Variants in ANXA8 observed in about 807,000 individuals in gnomAD.
The protein encoded by ANXA8 is VAC-beta.
A neutral mutation model predicts 26.8 loss-of-function variants in ANXA8; 9 were observed. The ratio of observed to expected loss-of-function variants is 0.34; its 90% CI spans 0.20 to 0.59. The LOEUF (loss-of-function observed/expected upper bound fraction) is 0.59, where lower values mean the gene tolerates loss of function less well. Among genes scored for constraint, ANXA8 ranks in the 20% least tolerant of loss-of-function variants. The pLI is 0.84. For synonymous variants in ANXA8, 39 were observed against 94.8 expected, an observed-to-expected ratio of 0.41 and a Z score of 3.42; for missense variants, 83 against 238.5, an observed-to-expected ratio of 0.35 and a Z score of 4.29.
chr10:47,497,304 A>T, the ANXA8 span, among the ~76,000 whole-genome samples: 3 of 97,516 alleles, frequency 3.1e-5, no homozygotes, highest in Non-Finnish European at 5.7e-5. Flanking sequence ...GGATAACAAG[A>T]GCAAAAGTCC....
the ANXA8 span, among the ~76,000 whole-genome samples, chr10:47,666,446 A>G: frequency 3.8e-4 from 57 of 151,670 alleles, 1 homozygote; most frequent in African/African-American, 8.7e-4. Context: ...TAAGAGAGGA[A>G]TGCTGTGGTT....
the ANXA8 span, among the ~76,000 whole-genome samples, chr10:47,969,409 C>T: frequency 2.0e-5 from 3 of 148,074 alleles, no homozygotes; most frequent in Non-Finnish European, 3.0e-5. Context: ...ACAAATCTTA[C>T]AGTTCTGGAG....
the ANXA8 span, among the ~76,000 whole-genome samples, chr10:47,595,776 C>G: frequency 6.7e-6 from 1 of 148,596 alleles, no homozygotes; most frequent in Non-Finnish European, 1.5e-5. Context: ...GAAATCACTA[C>G]TAGACCTAAG....
At chr10:47,955,218 T>A in the ANXA8 span, among the ~76,000 whole-genome samples, 1 of 149,808 alleles carries the variant, frequency 6.7e-6, no homozygotes, top group Non-Finnish European at 1.5e-5. Context: ...CCTCCTTGCC[T>A]CCCGCCGTGA....
At chr10:47,714,440 A>C in the ANXA8 span, among the ~76,000 whole-genome samples, 1 of 126,058 alleles carries the variant, frequency 7.9e-6, no homozygotes, top group Non-Finnish European at 1.6e-5. Flanking sequence ...TGATGTTATC[A>C]GAAAAATGAG....
chr10:47,944,962 T>C, the ANXA8 span, among the ~76,000 whole-genome samples: 1 of 149,058 alleles, frequency 6.7e-6, no homozygotes, highest in Admixed American at 6.7e-5. Context: ...TTAAACTCTC[T>C]GCACTCTCTC....
chr10:47,721,510 A>G, the ANXA8 span, among the ~76,000 whole-genome samples: 3 of 140,460 alleles, frequency 2.1e-5, 1 homozygote, highest in African/African-American at 5.2e-5. Flanking sequence ...AAGAATTATT[A>G]TTTTTTATTT....
At chr10:47,907,209 T>C in the ANXA8 span, among the ~76,000 whole-genome samples, 24 of 151,738 alleles carry the variant, frequency 1.6e-4, no homozygotes, top group South Asian at 5.0e-3. Flanking sequence ...CAAAAAAAAT[T>C]AGCCGGGCGT....
chr10:47,626,451 T>C, the ANXA8 span, among the ~76,000 whole-genome samples: 1 of 150,408 alleles, frequency 6.6e-6, no homozygotes, highest in African/African-American at 2.5e-5. Context: ...TTCCGACAGA[T>C]ATCCCATATA....
chr10:47,588,886 C>T, the ANXA8 span: 1 of 134,186 alleles, frequency 7.5e-6, no homozygotes, highest in Non-Finnish European at 1.5e-5. Context: ...GTGATCTCAG[C>T]TCACTGCAAC....
the ANXA8 span, among the ~76,000 whole-genome samples, chr10:47,525,273 G>A: frequency 2.3e-4 from 29 of 125,262 alleles, 3 homozygotes; most frequent in African/African-American, 9.4e-4. Flanking sequence ...GGGTGTGGTT[G>A]TGCATGCCTG....
the ANXA8 span, among the ~76,000 whole-genome samples, chr10:47,552,178 C>T: frequency 7.9e-5 from 12 of 152,016 alleles, no homozygotes; most frequent in Middle Eastern, 3.4e-3. Context: ...GGTTAAGTTA[C>T]TTTTTATTCA....
chr10:47,981,796 G>GA, the ANXA8 span, among the ~76,000 whole-genome samples: 2 of 148,070 alleles, frequency 1.4e-5, no homozygotes, highest in African/African-American at 4.9e-5. Flanking sequence ...CTAAATAAAT[G>GA]AAAAAACATC....
the ANXA8 span, among the ~76,000 whole-genome samples, chr10:47,548,462 C>T: frequency 4.4e-4 from 67 of 152,090 alleles, no homozygotes; most frequent in African/African-American, 1.5e-3. Flanking sequence ...CCACCTCACC[C>T]GTCTAATTTT....
At chr10:47,525,394 G>A in the ANXA8 span, among the ~76,000 whole-genome samples, 5 of 142,368 alleles carry the variant, frequency 3.5e-5, no homozygotes, top group East Asian at 5.9e-4. Context: ...CAACAGAGCA[G>A]GACTCCATCC....
At chr10:47,947,456 A>T in the ANXA8 span, among the ~76,000 whole-genome samples, 1 of 146,484 alleles carries the variant, frequency 6.8e-6, no homozygotes, top group Non-Finnish European at 1.5e-5. Flanking sequence ...AAAAATATCC[A>T]GAAATCTGTA....
the ANXA8 span, among the ~76,000 whole-genome samples, chr10:47,943,438 G>A: frequency 6.8e-6 from 1 of 146,506 alleles, no homozygotes. Flanking sequence ...GAAACCCCAG[G>A]ACTTTAGCAG....
chr10:47,688,460 C>T, the ANXA8 span, among the ~76,000 whole-genome samples: 6 of 149,586 alleles, frequency 4.0e-5, 1 homozygote, highest in African/African-American at 4.9e-5. Flanking sequence ...CTCGCTTTGT[C>T]GCCCAGGCTG....
At chr10:47,552,537 A>G in the ANXA8 span, among the ~76,000 whole-genome samples, 1 of 152,122 alleles carries the variant, frequency 6.6e-6, no homozygotes, top group Non-Finnish European at 1.5e-5. Flanking sequence ...ATTACAGCTC[A>G]TCTACATACA....
Sources: gnomAD v4.1 joint callset for allele counts (sites outside exome capture counted in the v4.1 genomes callset) on GRCh38, gnomAD v4.1.1 for gene constraint, MANE v1.5 for transcripts, NCBI Gene and HGNC (gene_info 2026-07-23, HGNC 2026-07-21) for gene names.